LZTFL1: variants seen among roughly 807,000 people sequenced by gnomAD.
LZTFL1 encodes leucine zipper transcription factor like 1.
LZTFL1 carries 25 observed loss-of-function variants against 45.9 expected under a neutral mutation model. The observed-to-expected ratio is 0.54, with a 90% CI of 0.40 to 0.76. LZTFL1 has a LOEUF of 0.76. Ranked by LOEUF, LZTFL1 falls within the 30% of genes least tolerant of loss-of-function variation. The probability of loss-of-function intolerance (pLI) is 0.00; values close to 1 mark genes in which losing one functional copy is unlikely to be tolerated. For missense variants in LZTFL1, 277 were observed against 331.1 expected (o/e 0.84, Z 1.27); for synonymous variants, 93 against 117.4 (o/e 0.79, Z 1.35).
intron 4 of LZTFL1, among the ~76,000 whole-genome samples, chr3:45,851,224 G>T (rs996371315): frequency 9.0e-5 from 8 of 89,098 alleles, no homozygotes; most frequent in Admixed American, 1.6e-4. Context: ...ATTTAGCTGT[G>T]ATTTTTTTTT....
At chr3:45,889,506 T>A (rs1425972584) in intron 2 of LZTFL1, among the ~76,000 whole-genome samples, 1 of 152,080 alleles carries the variant, frequency 6.6e-6, no homozygotes, top group Non-Finnish European at 1.5e-5. Context: ...TTTTTAAATC[T>A]GACAAGTTAT....
intron 2 of LZTFL1, among the ~76,000 whole-genome samples, chr3:45,880,107 C>A (rs1396616896): frequency 6.6e-6 from 1 of 152,162 alleles, no homozygotes; most frequent in Non-Finnish European, 1.5e-5. Context: ...GCCAGCCCAG[C>A]CAAGGCAAGG....
At chr3:45,877,228 A>ATCTCTTT (rs1701762157) in intron 2 of LZTFL1, among the ~76,000 whole-genome samples, 1 of 148,776 alleles carries the variant, frequency 6.7e-6, no homozygotes, top group Non-Finnish European at 1.5e-5. Context: ...TTTCACAAGC[A>ATCTCTTT]TCTCTTTTTT....
chr3:45,913,715 T>A (rs1378920737), intron 1 of LZTFL1, among the ~76,000 whole-genome samples: 1 of 151,288 alleles, frequency 6.6e-6, no homozygotes, highest in East Asian at 1.9e-4. Context: ...AAGATGCCAT[T>A]TTTTCCCCCA....
chr3:45,830,831 A>C, intron 7 of LZTFL1, 82 bp downstream of exon 7: 5 of 1,168,862 alleles, frequency 4.3e-6, no homozygotes, highest in Non-Finnish European at 6.3e-6. Flanking sequence ...GGGTACAGTG[A>C]GCAGTAACTA....
chr3:45,864,194 G>A (rs1304286848), intron 2 of LZTFL1, among the ~76,000 whole-genome samples: 2 of 152,144 alleles, frequency 1.3e-5, no homozygotes, highest in African/African-American at 4.8e-5. Context: ...AAATTACTGA[G>A]TAAAAGTTTT....
upstream of LZTFL1, among the ~76,000 whole-genome samples, chr3:45,844,798 C>T (rs1405557142): frequency 6.6e-6 from 1 of 152,170 alleles, no homozygotes; most frequent in African/African-American, 2.4e-5. Flanking sequence ...TCAAAACACC[C>T]TAGTGACCAG....
rs201764174 is a variant in LZTFL1 at position 45,901,211 on chromosome 3, C to T, written c.-215+11909G>A. 3.5e-5 allele frequency: 57 copies of T among 1,614,012 alleles called. No individual in the cohort carries two copies. The highest frequency in any genetic ancestry group is 1.1e-4 in the East Asian group (5 of 44,894). ...GTGTGTTGCTGATCATGTGCATCAGCGTGGACAGGTACATTGCCATTGCCC... is the reference window on the plus strand; with the variant it reads ...GTGTGTTGCTGATCATGTGCATCAGTGTGGACAGGTACATTGCCATTGCCC... On this transcript the variant is annotated intron_variant, in intron 2 of 4. Coordinates refer to the LZTFL1 transcript ENST00000472635. The surrounding 1 kb of genome is among the most constrained non-coding windows in gnomAD (Gnocchi z 4.3).
intron 2 of LZTFL1, chr3:45,897,771 T>A: frequency 1.7e-6 from 1 of 593,906 alleles, no homozygotes; most frequent in Non-Finnish European, 2.9e-6. Context: ...TCTTTCTTCC[T>A]TGTCTGTCTT....
intron 1 of LZTFL1, chr3:45,913,275 G>A: frequency 1.1e-6 from 1 of 892,468 alleles, no homozygotes; most frequent in Non-Finnish European, 1.7e-6. Context: ...TGTTTTTCAT[G>A]AGGACCTGCC....
intron 2 of LZTFL1, among the ~76,000 whole-genome samples, chr3:45,864,952 C>T (rs551436123): frequency 7.2e-5 from 11 of 152,280 alleles, no homozygotes; most frequent in African/African-American, 2.4e-4. Flanking sequence ...GCTTCCTCAC[C>T]ACCAAGTACC....
At chr3:45,840,916 G>A (rs1701092523) in intron 1 of LZTFL1, among the ~76,000 whole-genome samples, 2 of 152,164 alleles carry the variant, frequency 1.3e-5, no homozygotes, top group African/African-American at 4.8e-5. Context: ...CTGTTTACAC[G>A]CATTATCTTA....
intron 4 of LZTFL1, among the ~76,000 whole-genome samples, chr3:45,833,912 C>G (rs1181090911): frequency 6.6e-6 from 1 of 152,158 alleles, no homozygotes; most frequent in African/African-American, 2.4e-5. Flanking sequence ...CAGGAAGTGA[C>G]AGAGCCAGGA....
upstream of LZTFL1, among the ~76,000 whole-genome samples, chr3:45,845,071 CCTTCTTGTA>C (rs1701196080): frequency 6.6e-6 from 1 of 152,178 alleles, no homozygotes; most frequent in Non-Finnish European, 1.5e-5. Context: ...GTGGGGAATA[CCTTCTTGTA>C]AAGTACAAGA....
intron 2 of LZTFL1, among the ~76,000 whole-genome samples, chr3:45,869,892 G>A (rs930440667): frequency 1.3e-5 from 2 of 152,244 alleles, no homozygotes; most frequent in Non-Finnish European, 2.9e-5. Context: ...TTGCAATTTG[G>A]CTCCTCCAGT....
chr3:45,828,364 G>T, intron 8 of LZTFL1, 75 bp downstream of exon 8: 1 of 1,278,974 alleles, frequency 7.8e-7, no homozygotes, highest in Non-Finnish European at 1.1e-6. Context: ...GTTTATCTTA[G>T]CCACATGTAT....
chr3:45,898,600 A>T (rs544129605), intron 2 of LZTFL1, among the ~76,000 whole-genome samples: 27 of 152,218 alleles, frequency 1.8e-4, no homozygotes, highest in Admixed American at 9.8e-4. Flanking sequence ...CATATTGGAG[A>T]TGGAGTCAGG....
chr3:45,914,931 C>A (rs113149498), intron 1 of LZTFL1, among the ~76,000 whole-genome samples: 1 of 152,320 alleles, frequency 6.6e-6, no homozygotes, highest in African/African-American at 2.4e-5. Context: ...CACATAGGAA[C>A]CCTGTCGCTC....
chr3:45,849,684 T>C (rs1267384258), intron 4 of LZTFL1, among the ~76,000 whole-genome samples: 3 of 152,192 alleles, frequency 2.0e-5, no homozygotes, highest in Admixed American at 2.0e-4. Context: ...AGAAACGTGG[T>C]AAGAATGTCT....
Sources: gnomAD v4.1 joint callset for allele counts (sites outside exome capture counted in the v4.1 genomes callset) on GRCh38, gnomAD v4.1.1 for gene constraint, Gnocchi (gnomAD v3.1) non-coding constraint, MANE v1.5 for transcripts, NCBI Gene and HGNC (gene_info 2026-07-23, HGNC 2026-07-21) for gene names.